Variants in EYS observed in about 807,000 individuals in gnomAD.
EYS encodes protein eyes shut homolog.
Under a neutral mutation model 282.1 loss-of-function variants are expected in EYS, and 250 were observed. The ratio of observed to expected loss-of-function variants is 0.89; its 90% CI spans 0.80 to 0.98. The LOEUF is 0.98. Ranked by LOEUF, EYS falls within the 50% of genes least tolerant of loss-of-function variation. The probability of loss-of-function intolerance (pLI) is 0.00; values close to 1 mark genes in which losing one functional copy is unlikely to be tolerated. For synonymous variants in EYS, 1,355 were observed against 1,282.9 expected (o/e 1.06, Z -1.20); for missense variants, 4,016 against 3,709.0 (o/e 1.08, Z -2.15).
At chr6:65,396,063 A>C (rs573822240) in intron 7 of EYS, among the ~76,000 whole-genome samples, 1 of 152,308 alleles carries the variant, frequency 6.6e-6, no homozygotes, top group African/African-American at 2.4e-5. Context: ...TTACATGCAT[A>C]CACATGCAAA....
chr6:64,296,596 ATATTTTTTTTTTT>A (rs1769033372), intron 30 of EYS, among the ~76,000 whole-genome samples: 6 of 6,158 alleles, frequency 9.7e-4, no homozygotes, highest in African/African-American at 1.8e-3. Context: ...ATATATATAT[ATATTTTTTTTTTT>A]TTTTTTTTTT....
chr6:64,313,053 G>A (rs995223500), intron 29 of EYS, among the ~76,000 whole-genome samples: 3 of 152,232 alleles, frequency 2.0e-5, no homozygotes, highest in African/African-American at 7.2e-5. Flanking sequence ...GAAGAAGTAG[G>A]CTTCAGAAGG....
chr6:64,080,704 T>C (rs1396122227), intron 32 of EYS, among the ~76,000 whole-genome samples: 1 of 151,936 alleles, frequency 6.6e-6, no homozygotes, highest in Non-Finnish European at 1.5e-5. Flanking sequence ...AACATTTAAG[T>C]CTTTAATCCA....
chr6:65,463,779 C>T (rs1274206958), intron 5 of EYS, among the ~76,000 whole-genome samples: 1 of 151,816 alleles, frequency 6.6e-6, no homozygotes, highest in East Asian at 1.9e-4. Flanking sequence ...CTTCAAGTTC[C>T]CTCTTGACCC....
chr6:64,805,000 G>C (rs1309955848), intron 22 of EYS, among the ~76,000 whole-genome samples: 1 of 151,782 alleles, frequency 6.6e-6, no homozygotes, highest in Admixed American at 6.6e-5. Flanking sequence ...GTACATAGTA[G>C]TTTTCCAAAA....
chr6:65,049,732 G>A (rs1345231445), intron 13 of EYS, among the ~76,000 whole-genome samples: 1 of 151,626 alleles, frequency 6.6e-6, no homozygotes, highest in African/African-American at 2.4e-5. Flanking sequence ...TTGTCTCATT[G>A]TTAGAGTGTC....
rs759414959 is a variant in EYS, at chr6:64,342,804, G to C, written c.6079-35722C>G. ...AAACCCATCAGTGTGCTGTATTCAG[G>C]AAACCCATCTCACGTGCAGAGACAC... On this transcript the variant is annotated intron_variant, in intron 29 of 42. Transcript: ENST00000503581. Among the ~76,000 whole-genome samples, 24 of 152,168 alleles carry C rather than the reference G, an allele frequency of 1.6e-4. 1 individual carries two copies. The East Asian group carries it at 4.1e-3, about 26-fold the overall frequency.
chr6:64,545,074 G>T (rs755478799), intron 26 of EYS, among the ~76,000 whole-genome samples: 5 of 152,098 alleles, frequency 3.3e-5, no homozygotes, highest in Non-Finnish European at 7.4e-5. Context: ...CAAAGAAAGA[G>T]AATTTTAGAC....
chr6:64,720,960 A>T (rs1247747618), intron 22 of EYS, among the ~76,000 whole-genome samples: 1 of 152,196 alleles, frequency 6.6e-6, no homozygotes, highest in East Asian at 1.9e-4. Flanking sequence ...ATGTTTTGAG[A>T]TCTAAAACCA....
At chr6:64,242,954 A>C (rs1766883435) in intron 30 of EYS, among the ~76,000 whole-genome samples, 1 of 146,674 alleles carries the variant, frequency 6.8e-6, no homozygotes, top group Admixed American at 6.9e-5. Flanking sequence ...TATATATTAT[A>C]TATACAATAT....
intron 24 of EYS, among the ~76,000 whole-genome samples, chr6:64,599,923 A>G (rs1766709648): frequency 1.3e-5 from 2 of 152,282 alleles, no homozygotes; most frequent in Non-Finnish European, 1.5e-5. Context: ...ATCACTGTCA[A>G]TTAAATTTAA....
chr6:64,626,178 G>C lies in EYS; in HGVS notation c.3511C>G (p.Leu1171Val). 1 of 1,543,016 alleles carries C rather than the reference G, an allele frequency of 6.5e-7. No individual in the cohort carries two copies. The highest frequency in any genetic ancestry group is 2.5e-5 in the East Asian group (1 of 40,810). ...NINECSSSPC[L>V]HGADCEDHIN... ...TGATCTTCACAGTCTGCACCATGTA[G>C]ACATGGTGATGAAGAGCATTCATTT... Residue 1171 changes from leucine to valine, a missense_variant, in exon 23 of 43, where the codon CTA (leucine) becomes GTA (valine). Leu to Val is a conservative substitution (Grantham distance 32). Coordinates refer to ENST00000503581, the MANE Select transcript of EYS (RefSeq NM_001142800.2).
At chr6:65,301,462 T>G (rs1288068253) in intron 11 of EYS, among the ~76,000 whole-genome samples, 2 of 152,184 alleles carry the variant, frequency 1.3e-5, no homozygotes, top group Non-Finnish European at 2.9e-5. Context: ...CCGGGCGCCA[T>G]CTTTGACGCT....
intron 33 of EYS, among the ~76,000 whole-genome samples, chr6:64,033,311 C>T (rs1459365109): frequency 6.6e-6 from 1 of 152,088 alleles, no homozygotes; most frequent in African/African-American, 2.4e-5. Flanking sequence ...AAAAAGGCTC[C>T]TTTTACTCTA....
intron 29 of EYS, among the ~76,000 whole-genome samples, chr6:64,331,580 T>C (rs1767836401): frequency 8.6e-6 from 1 of 116,942 alleles, no homozygotes; most frequent in Non-Finnish European, 1.8e-5. Context: ...GATGGGAGGC[T>C]CGCCTTCCAA....
rs148834824 is a variant in EYS at position 64,687,893 on chromosome 6, T to C, written c.3444-61648A>G. Among the ~76,000 whole-genome samples, 269 of 152,326 alleles carry C rather than the reference T, an allele frequency of 1.8e-3. 2 individuals are homozygous for C. The highest frequency in any genetic ancestry group is 6.3e-3 in the African/African-American group (261 of 41,580). ...GTAGGCTCTTAATTATTGCCTCAAT[T>C]TCAGAGCCTGTTATTATTGGTCTGT... On this transcript the variant is annotated intron_variant, in intron 22 of 42. Transcript: ENST00000503581.
chr6:63,757,116 C>T (rs1001930965), intron 41 of EYS, among the ~76,000 whole-genome samples: 3 of 152,056 alleles, frequency 2.0e-5, no homozygotes, highest in African/African-American at 7.2e-5. Flanking sequence ...TTTCTTCTTG[C>T]AGAGAGCCTG....
intron 15 of EYS, among the ~76,000 whole-genome samples, chr6:64,926,408 G>A (rs965261341): frequency 3.3e-5 from 5 of 152,180 alleles, no homozygotes; most frequent in Admixed American, 6.6e-5. Flanking sequence ...CCCAGTTCTA[G>A]GAGAGCATGC....
intron 12 of EYS, among the ~76,000 whole-genome samples, chr6:65,258,586 AG>A (rs1269696762): frequency 6.6e-6 from 1 of 152,076 alleles, no homozygotes. Context: ...ATAATTTCAA[AG>A]GTTAGGAAAA....
Sources: gnomAD v4.1 joint callset for allele counts (sites outside exome capture counted in the v4.1 genomes callset) on GRCh38, gnomAD v4.1.1 for gene constraint, MANE v1.5 for transcripts, NCBI Gene and HGNC (gene_info 2026-07-23, HGNC 2026-07-21) for gene names.